LRRIQ1: variants seen among roughly 807,000 people sequenced by gnomAD.
LRRIQ1 encodes the protein leucine rich repeats and IQ motif containing 1.
LRRIQ1 carries 210 observed loss-of-function variants against 211.9 expected under a neutral mutation model. The ratio of observed to expected loss-of-function variants is 0.99; its 90% CI spans 0.89 to 1.11. The LOEUF (loss-of-function observed/expected upper bound fraction) is 1.11. Among genes scored for constraint, LRRIQ1 ranks in the 50% most tolerant of loss-of-function variants. The pLI, the probability that LRRIQ1 is intolerant of heterozygous loss-of-function variation, is 0.00. For synonymous variants in LRRIQ1, 699 were observed against 650.1 expected, an observed-to-expected ratio of 1.08 and a Z score of -1.14; for missense variants, 2,136 against 1,939.5, an observed-to-expected ratio of 1.10 and a Z score of -1.90.
At position 85,104,095 on chromosome 12, in the gene LRRIQ1, T is replaced by C; in HGVS notation, c.3283+18T>C. The C allele has an allele frequency of 7.8e-7, 1 of 1,282,910 alleles. No individual in the cohort carries two copies. Among genetic ancestry groups the C allele is most frequent in the Non-Finnish European group, 1.0e-6 (1 of 962,212 alleles). The allele number at this position is 1,282,910 out of a possible 1,614,324, so 79.5% of individuals were successfully genotyped here. ...TCTTTCTGGTAAGTTTAGCATAATA[T>C]ATATATTTTAATAATAGACTTTTGA... On this transcript the variant is annotated intron_variant, in intron 14 of 26. Transcript: ENST00000393217.
chr12:85,205,827 A>T (rs1305023334), intron 24 of LRRIQ1, among the ~76,000 whole-genome samples: 1 of 151,786 alleles, frequency 6.6e-6, no homozygotes, highest in Admixed American at 6.6e-5. Flanking sequence ...TTTTTGCCTG[A>T]TTGAGTTATT....
intron 6 of LRRIQ1, among the ~76,000 whole-genome samples, chr12:85,050,308 A>C (rs1277220190): frequency 6.6e-6 from 1 of 152,166 alleles, no homozygotes; most frequent in African/African-American, 2.4e-5. Flanking sequence ...CATCTTAATG[A>C]ATTCCCTAAT....
In LRRIQ1 at chr12:85,098,985, C is replaced by T. The variant is rs1247958856; in HGVS notation, c.3200C>T (p.Ser1067Phe). ...CCTTTACTACAAAATATTACTATCT[C>T]TCAAAACAGGTAAAAGCATACTTAA... is the stretch of plus-strand genomic sequence containing the variant. Reference protein sequence around the residue: ...WLPLLQNITISQNSLTKIVPL... With the variant: ...WLPLLQNITIFQNSLTKIVPL... Residue 1067 changes from serine (S) to phenylalanine (F), a missense_variant, in exon 13 of 27, where the codon TCT (serine) becomes TTT (phenylalanine). Ser to Phe is a radical substitution (Grantham distance 155, BLOSUM62 -2). Transcript: ENST00000393217. The T allele has an allele frequency of 2.6e-6, 4 of 1,551,400 alleles. No individual in the cohort carries two copies. Among genetic ancestry groups the T allele is most frequent in the Non-Finnish European group, 3.5e-6 (4 of 1,144,446 alleles).
chr12:85,261,669 A>G (rs1896291693), intron 1 of LRRIQ1, among the ~76,000 whole-genome samples: 1 of 152,002 alleles, frequency 6.6e-6, no homozygotes, highest in African/African-American at 2.4e-5. Context: ...TCACTCTGCT[A>G]CTTCCAAACC....
At chr12:85,060,407 G>C (rs1472877254) in intron 8 of LRRIQ1, among the ~76,000 whole-genome samples, 1 of 151,452 alleles carries the variant, frequency 6.6e-6, no homozygotes, top group Non-Finnish European at 1.5e-5. Flanking sequence ...TTGGCATTTT[G>C]CTACTAATGG....
At chr12:85,252,710 T>C (rs571045730) in intron 1 of LRRIQ1, among the ~76,000 whole-genome samples, 1 of 151,974 alleles carries the variant, frequency 6.6e-6, no homozygotes. Context: ...AAGAGAACTC[T>C]AGTATATTAA....
At chr12:85,250,953 T>TATTATATATTATATTATATATATTATAG (rs1593026720) in intron 1 of LRRIQ1, among the ~76,000 whole-genome samples, 51 of 92,250 alleles carry the variant, frequency 5.5e-4, no homozygotes, top group East Asian at 9.5e-4. Context: ...ATATTTTATA[T>TATTATATATTATATTATATATATTATAG]ATTATATATT....
intron 8 of LRRIQ1, among the ~76,000 whole-genome samples, chr12:85,059,379 A>G (rs183989550): frequency 4.1e-4 from 63 of 152,160 alleles, no homozygotes; most frequent in African/African-American, 1.3e-3. Flanking sequence ...ATAAACCTAC[A>G]TAGCTTACAA....
chr12:85,107,163 C>T (rs1886840067), intron 15 of LRRIQ1, among the ~76,000 whole-genome samples: 1 of 152,022 alleles, frequency 6.6e-6, no homozygotes, highest in East Asian at 1.9e-4. Flanking sequence ...TTCTCATTTA[C>T]ACTTCTAATA....
chr12:85,102,869 C>T (rs1288811322), intron 13 of LRRIQ1, among the ~76,000 whole-genome samples: 1 of 146,936 alleles, frequency 6.8e-6, no homozygotes, highest in Non-Finnish European at 1.5e-5. Context: ...CAGAGATAGA[C>T]CTTGAGCCAA....
At chr12:85,040,784 T>TA (rs1878788089) in intron 3 of LRRIQ1, among the ~76,000 whole-genome samples, 183 bp downstream of exon 3, 2 of 151,574 alleles carry the variant, frequency 1.3e-5, no homozygotes, top group Non-Finnish European at 1.5e-5. Context: ...ATTTTTTTTT[T>TA]ACTATCTTTC....
In LRRIQ1 at chr12:85,217,776, CTCTCTA is replaced by C. The variant is rs921403419; in HGVS notation, c.4823-11739_4823-11734del. ...GTATATATATAAAATGTGTGTGTCTCTCTCTATATATATATGTAATGTGTTCATACA... is the reference window on the plus strand; with the variant it reads ...GTATATATATAAAATGTGTGTGTCTCTATATATATGTAATGTGTTCATACA... On this transcript the variant is annotated intron_variant, in intron 24 of 26. Transcript: ENST00000393217. 2.8e-5 allele frequency among the ~76,000 whole-genome samples: 3 copies of C among 108,200 alleles called. No individual in the cohort carries two copies. The African/African-American group carries it at 2.8e-4, about 10-fold the overall frequency. The allele number at this position is 108,200 out of a possible 152,430, so 71.0% of individuals were successfully genotyped here.
intron 24 of LRRIQ1, among the ~76,000 whole-genome samples, chr12:85,195,518 A>G (rs947529952): frequency 2.5e-4 from 38 of 152,290 alleles, no homozygotes; most frequent in African/African-American, 8.9e-4. Context: ...GGCTGGTTCA[A>G]TATACCCAAA....
intron 26 of LRRIQ1, among the ~76,000 whole-genome samples, chr12:85,241,150 TTG>T (rs1895440393): frequency 6.6e-6 from 1 of 152,044 alleles, no homozygotes. Flanking sequence ...ATGTGAAATG[TTG>T]TCATTGAGGC....
intron 13 of LRRIQ1, among the ~76,000 whole-genome samples, chr12:85,103,249 G>A (rs1886522628): frequency 6.6e-6 from 1 of 150,596 alleles, no homozygotes; most frequent in African/African-American, 2.4e-5. Flanking sequence ...ACCTTTAAAT[G>A]GAGGAAAATT....
In LRRIQ1 at chr12:85,153,894, G is replaced by A. The variant is rs768782248; in HGVS notation, c.4638-118G>A. 786 of 932,144 alleles carry A rather than the reference G, an allele frequency of 8.4e-4. 2 individuals carry two copies. The highest frequency in any genetic ancestry group is 1.1e-3 in the Non-Finnish European group (672 of 639,202). The allele number at this position is 932,144 out of a possible 1,614,324, so 57.7% of individuals were successfully genotyped here. A position where few individuals can be genotyped will look rare whatever the true frequency, so the allele number is the denominator to read the frequency against. On this transcript the variant is annotated intron_variant, in intron 22 of 26. Coordinates refer to ENST00000393217, the MANE Select transcript of LRRIQ1 (RefSeq NM_001079910.2). ...GTCCATCCAATTTAGTTTCTTAAAT[G>A]GGAATTCACATTTATTTTAGTATGC...
At chr12:85,164,854 A>G (rs1006278564) in intron 24 of LRRIQ1, among the ~76,000 whole-genome samples, 1 of 152,214 alleles carries the variant, frequency 6.6e-6, no homozygotes, top group African/African-American at 2.4e-5. Context: ...TAACCATGAA[A>G]TTTATACCAC....
chr12:85,101,871 A>G (rs980590608), intron 13 of LRRIQ1, among the ~76,000 whole-genome samples: 9 of 151,686 alleles, frequency 5.9e-5, no homozygotes, highest in Non-Finnish European at 1.3e-4. Context: ...TCTAAAAAAA[A>G]TTGTTGGTTA....
intron 24 of LRRIQ1, among the ~76,000 whole-genome samples, chr12:85,214,164 C>T (rs1893968285): frequency 6.6e-6 from 1 of 151,812 alleles, no homozygotes; most frequent in Non-Finnish European, 1.5e-5. Flanking sequence ...ATTGAAGATA[C>T]ATCTAACAAG....
Sources: gnomAD v4.1 joint callset for allele counts (sites outside exome capture counted in the v4.1 genomes callset) on GRCh38, gnomAD v4.1.1 for gene constraint, MANE v1.5 for transcripts, NCBI Gene and HGNC (gene_info 2026-07-23, HGNC 2026-07-21) for gene names.